PRDM16: variants seen among roughly 807,000 people sequenced by gnomAD.
The protein encoded by PRDM16 is histone-lysine N-methyltransferase PRDM16.
In PRDM16, 23 loss-of-function variants were observed where a neutral mutation model predicts 110.6. The observed-to-expected ratio is 0.21, with a 90% confidence interval of 0.15 to 0.29. The LOEUF (loss-of-function observed/expected upper bound fraction) is 0.29, where lower values mean the gene tolerates loss of function less well. PRDM16 is among the 10% of genes least tolerant of loss of function. The pLI is 1.00. For missense variants in PRDM16, 1,615 were observed against 1,794.3 expected (o/e 0.90, Z 1.81); for synonymous variants, 799 against 781.8 (o/e 1.02, Z -0.37).
At chr1:3,113,937 C>CT (rs1380576578) in intron 1 of PRDM16, among the ~76,000 whole-genome samples, 2 of 152,032 alleles carry the variant, frequency 1.3e-5, no homozygotes, top group African/African-American at 4.8e-5. Context: ...GAATTTTTTT[C>CT]TTTTTTTTCT....
intron 10 of PRDM16, among the ~76,000 whole-genome samples, chr1:3,415,437 G>A (rs765116957): frequency 4.6e-5 from 7 of 152,254 alleles, no homozygotes; most frequent in Non-Finnish European, 8.8e-5. Flanking sequence ...CTTCCCCGCC[G>A]TGGACGGGCC....
chr1:3,409,011 C>T (rs1344366333), intron 8 of PRDM16, among the ~76,000 whole-genome samples: 7 of 132,396 alleles, frequency 5.3e-5, no homozygotes, highest in African/African-American at 1.4e-4. Flanking sequence ...GCGTGTGAGC[C>T]GGGGCATGTC....
At chr1:3,146,946 TGG>T (rs200094642) in intron 1 of PRDM16, among the ~76,000 whole-genome samples, 1 of 64,814 alleles carries the variant, frequency 1.5e-5, no homozygotes. Context: ...GTGCTCAGTG[TGG>T]GGGGTATGTG....
rs184114812 is a variant in PRDM16 at position 3,435,771 on chromosome 1, G to C, written c.*1960G>C. 138 of 230,656 alleles carry C rather than the reference G, an allele frequency of 6.0e-4. 1 individual carries two copies. The East Asian group carries it at 8.2e-3, about 14-fold the overall frequency. The allele number at this position is 230,656 out of a possible 1,614,324, so 14.3% of individuals were successfully genotyped here. A position where few individuals can be genotyped will look rare whatever the true frequency, so the allele number is the denominator to read the frequency against. On this transcript the variant is annotated 3_prime_UTR_variant, in exon 17 of 17. Transcript: ENST00000270722. ...TCCAGGACAAAAGACAATCGTCTCT[G>C]TGGGTGCCGGGTGGTCCAGGCTTGC...
rs1293188796 is a variant in PRDM16, at chr1:3,246,191, T to C, written c.438+2054T>C. ...ACGGTGGGTTTGCCTTTGTGTCTTA[T>C]ATGTGTGGCCATTAGGTCTCGCTCA... On this transcript the variant is annotated intron_variant, in intron 3 of 16. Coordinates refer to ENST00000270722, the MANE Select transcript of PRDM16 (RefSeq NM_022114.4). The surrounding 1 kb of genome is among the most constrained non-coding windows in gnomAD (Gnocchi z 5.2). Among the ~76,000 whole-genome samples, 1 of 152,176 alleles carries C rather than the reference T, an allele frequency of 6.6e-6. No individual in the cohort carries two copies. Among genetic ancestry groups the C allele is most frequent in the Non-Finnish European group, 1.5e-5 (1 of 68,022 alleles).
At chr1:3,127,392 G>T (rs1247074649) in intron 1 of PRDM16, among the ~76,000 whole-genome samples, 3 of 152,196 alleles carry the variant, frequency 2.0e-5, no homozygotes, top group Non-Finnish European at 4.4e-5. Flanking sequence ...ATGCCCTCGT[G>T]AGATAGATCC....
At position 3,435,087 on chromosome 1, in the gene PRDM16, C is replaced by T; in HGVS notation, c.*1276C>T. Reference sequence around the variant, plus strand: ...CCTGCCGCAAGGAGCAGAGACAGCACAGCCCCCCGGGCCCAGCCGCCTCCC... The same window carrying T: ...CCTGCCGCAAGGAGCAGAGACAGCATAGCCCCCCGGGCCCAGCCGCCTCCC... On this transcript the variant is annotated 3_prime_UTR_variant, in exon 17 of 17. Coordinates refer to ENST00000270722, the MANE Select transcript of PRDM16 (RefSeq NM_022114.4). The T allele has an allele frequency of 4.4e-6, 1 of 227,294 alleles. No individual in the cohort carries two copies. The highest frequency in any genetic ancestry group is 5.7e-5 in the Admixed American group (1 of 17,554). The allele number at this position is 227,294 out of a possible 1,614,324, so 14.1% of individuals were successfully genotyped here.
rs530340533 is a variant in PRDM16 at position 3,070,104 on chromosome 1, C to G, written c.37+808C>G. Among the ~76,000 whole-genome samples, 1,338 of 152,066 alleles carry G rather than the reference C, an allele frequency of 8.8e-3. 21 individuals carry two copies. The highest frequency in any genetic ancestry group is 0.029 in the African/African-American group (1,188 of 41,530). On this transcript the variant is annotated intron_variant, in intron 1 of 16. Transcript: ENST00000270722. ...CCCACCCGGCCACCTCCCGACCCGC[C>G]GCTGCCGCCCTCGGGCCCGCGTGGA...
chr1:3,191,253 G>A (rs1277754844), intron 2 of PRDM16, among the ~76,000 whole-genome samples: 5 of 152,182 alleles, frequency 3.3e-5, no homozygotes, highest in South Asian at 2.1e-4. Context: ...CACCCCTGGC[G>A]TTATTTACTG....
chr1:3,174,652 C>T (rs1644065288), intron 1 of PRDM16, among the ~76,000 whole-genome samples: 1 of 152,106 alleles, frequency 6.6e-6, no homozygotes, highest in Non-Finnish European at 1.5e-5. Context: ...TGCATCTGGT[C>T]AGGATTGGGG....
chr1:3,318,256 G>A (rs1641658308), intron 3 of PRDM16, among the ~76,000 whole-genome samples: 1 of 152,204 alleles, frequency 6.6e-6, no homozygotes, highest in African/African-American at 2.4e-5. Flanking sequence ...GCTCCTTTCT[G>A]CTGTGTCCCA....
At chr1:3,082,243 C>G (rs1044887570) in intron 1 of PRDM16, among the ~76,000 whole-genome samples, 2 of 152,156 alleles carry the variant, frequency 1.3e-5, no homozygotes, top group African/African-American at 4.8e-5. Context: ...GCAGTCAGGC[C>G]CTGTGTGGTC....
chr1:3,298,251 C>T (rs529759831), intron 3 of PRDM16, among the ~76,000 whole-genome samples: 21 of 152,366 alleles, frequency 1.4e-4, no homozygotes, highest in Admixed American at 3.9e-4. Context: ...AAATGCACCT[C>T]GTGTTCGAGT....
intron 9 of PRDM16, among the ~76,000 whole-genome samples, chr1:3,413,338 GC>G (rs915182128): frequency 6.6e-6 from 1 of 152,104 alleles, no homozygotes; most frequent in Admixed American, 6.5e-5. Flanking sequence ...CAGAGAAGGA[GC>G]CAGTGGTCCT....
At chr1:3,288,492 G>A (rs1640905515) in intron 3 of PRDM16, among the ~76,000 whole-genome samples, 3 of 152,150 alleles carry the variant, frequency 2.0e-5, no homozygotes, top group Admixed American at 2.0e-4. Context: ...GGCTGGGAAC[G>A]CTCAGATGTT....
intron 2 of PRDM16, among the ~76,000 whole-genome samples, chr1:3,228,659 A>G (rs1639343954): frequency 6.6e-6 from 1 of 152,262 alleles, no homozygotes; most frequent in East Asian, 1.9e-4. Flanking sequence ...CGGCCTGTAC[A>G]TATCATCCCT....
intron 3 of PRDM16, among the ~76,000 whole-genome samples, chr1:3,269,540 C>G (rs1036095305): frequency 6.8e-5 from 9 of 131,656 alleles, no homozygotes; most frequent in Non-Finnish European, 1.4e-4. Context: ...CGGGGAGGAG[C>G]ACAGTCCTGG....
Position 3,189,453 on chromosome 1 carries a change from C to T in PRDM16, c.387+2979C>T, listed in dbSNP as rs566171942. On this transcript the variant is annotated intron_variant, in intron 2 of 16. Coordinates refer to ENST00000270722, the MANE Select transcript of PRDM16 (RefSeq NM_022114.4). The stretch of plus-strand genomic sequence containing the variant: ...GGACAGAGAAAAACATGGGTGCCAG[C>T]GTCACGCCAGCAAGATCCCAGGTCA... 1.4e-4 allele frequency among the ~76,000 whole-genome samples: 22 copies of T among 152,272 alleles called. 1 individual carries two copies. The South Asian group carries it at 1.9e-3, about 13-fold the overall frequency.
intron 4 of PRDM16, among the ~76,000 whole-genome samples, chr1:3,393,608 G>A (rs1643332303): frequency 6.6e-6 from 1 of 152,224 alleles, no homozygotes; most frequent in Non-Finnish European, 1.5e-5. Flanking sequence ...TTCCCACCGC[G>A]GCCGGCCCGG....
Sources: gnomAD v4.1 joint callset for allele counts (sites outside exome capture counted in the v4.1 genomes callset) on GRCh38, gnomAD v4.1.1 for gene constraint, Gnocchi (gnomAD v3.1) non-coding constraint, MANE v1.5 for transcripts, NCBI Gene and HGNC (gene_info 2026-07-23, HGNC 2026-07-21) for gene names.